The following CNR2 variants were observed in gnomAD, a reference collection of about 807,000 sequenced individuals.
CNR2 encodes the protein cannabinoid receptor 2.
For missense variants in CNR2, 379 were observed against 439.9 expected (o/e 0.86, Z 1.24); for synonymous variants, 172 against 182.2 (o/e 0.94, Z 0.45).
chr1:23,913,228 A>AG lies in CNR2; in HGVS notation c.-46+17_-46+18insC. The AG allele has an allele frequency of 6.2e-6, 1 of 161,696 alleles. No individual in the cohort carries two copies. Among genetic ancestry groups the AG allele is most frequent in the Non-Finnish European group, 1.3e-5 (1 of 74,260 alleles). The allele number at this position is 161,696 out of a possible 1,614,324, so 10.0% of individuals were successfully genotyped here. A position where few individuals can be genotyped will look rare whatever the true frequency, so the allele number is the denominator to read the frequency against. ...ATGAGGAAGAAGCCTAAAATAAACA[A>AG]CAAAAAAAGCTACTCACGGTTGTGT... On this transcript the variant is annotated intron_variant, in intron 1 of 1. Transcript: ENST00000374472.
chr1:23,906,709 T>C (rs1269113851), intron 1 of CNR2, among the ~76,000 whole-genome samples: 2 of 151,852 alleles, frequency 1.3e-5, no homozygotes, highest in Non-Finnish European at 2.9e-5. Flanking sequence ...AGTAATTTTA[T>C]GTTTGCTATA....
At chr1:23,891,647 C>G (rs1442027625) in intron 1 of CNR2, among the ~76,000 whole-genome samples, 1 of 130,372 alleles carries the variant, frequency 7.7e-6, no homozygotes, top group East Asian at 2.4e-4. Flanking sequence ...AAGCCCAAAT[C>G]TTACCTCTTT....
rs994178955 is a variant in CNR2, at chr1:23,910,438, T to C, written c.-46+2808A>G. On this transcript the variant is annotated intron_variant, in intron 1 of 1. Coordinates refer to ENST00000374472, the MANE Select transcript of CNR2 (RefSeq NM_001841.3). Reference sequence around the variant, plus strand: ...AAGAAAAAAACAAGAGCGGATCACCTGAGATCGGGAGCTCGAGACCAGCCT... The same window carrying C: ...AAGAAAAAAACAAGAGCGGATCACCCGAGATCGGGAGCTCGAGACCAGCCT... Among the ~76,000 whole-genome samples, 13 of 151,690 alleles carry C rather than the reference T, an allele frequency of 8.6e-5. 1 individual carries two copies. The highest frequency in any genetic ancestry group is 7.7e-4 in the East Asian group (4 of 5,180).
chr1:23,901,448 C>T, intron 1 of CNR2: 1 of 1,529,234 alleles, frequency 6.5e-7, no homozygotes, highest in Non-Finnish European at 8.8e-7. Context: ...ACTCGCCGAC[C>T]TGCTGCAGCC....
chr1:23,892,154 C>A (rs572566025), intron 1 of CNR2, among the ~76,000 whole-genome samples: 1 of 152,150 alleles, frequency 6.6e-6, no homozygotes, highest in South Asian at 2.1e-4. Context: ...AGCCCTGAAG[C>A]AGAGTGTGAA....
At chr1:23,882,651 C>CAAAAAAAAA (rs34245051) in intron 1 of CNR2, among the ~76,000 whole-genome samples, 7 of 112,662 alleles carry the variant, frequency 6.2e-5, no homozygotes, top group East Asian at 2.5e-4. Flanking sequence ...ACTAAAAATA[C>CAAAAAAAAA]AAAAAAAAAA....
In CNR2 at chr1:23,886,175, C is replaced by T. The variant is rs183962659; in HGVS notation, c.-45-10513G>A. ...CTGCACTCCAGCCTGGGTGACAGGGCGAGACTCTATTTCAAAAAAAAAAAA... is the reference window on the plus strand; with the variant it reads ...CTGCACTCCAGCCTGGGTGACAGGGTGAGACTCTATTTCAAAAAAAAAAAA... On this transcript the variant is annotated intron_variant, in intron 1 of 1. Coordinates refer to ENST00000374472, the MANE Select transcript of CNR2 (RefSeq NM_001841.3). 8.0e-3 allele frequency among the ~76,000 whole-genome samples: 958 copies of T among 119,062 alleles called. 2 individuals are homozygous for T. The highest frequency in any genetic ancestry group is 0.011 in the Non-Finnish European group (635 of 60,146). 78.1% of individuals were successfully genotyped at this position (119,062 alleles called of 152,430 possible).
chr1:23,889,471 C>T (rs1229424762), intron 1 of CNR2, among the ~76,000 whole-genome samples: 4 of 152,052 alleles, frequency 2.6e-5, no homozygotes, highest in Non-Finnish European at 4.4e-5. Flanking sequence ...CTATCTAAGG[C>T]CTTTCTTTTC....
chr1:23,875,429 T>C lies in CNR2; in HGVS notation c.189A>G (p.Gln63=), dbSNP rs2502992. 957,639 of 1,613,440 alleles carry C rather than the reference T, an allele frequency of 0.59. 286,874 individuals carry two copies. The highest frequency in any genetic ancestry group is 0.76 in the African/African-American group (56,895 of 74,854). The part of the protein sequence containing the change: ...AVLYLILSSH[Q]LRRKPSYLFI... ...ACAGGTATGAGGGCTTCCGGCGGAG[T>C]TGGTGGGAGGACAGGATCAGATAGA... The change falls in exon 2 of 2, where the codon CAA becomes CAG. Residue 63 remains glutamine (Q), a synonymous_variant. Transcript: ENST00000374472.
intron 1 of CNR2, among the ~76,000 whole-genome samples, chr1:23,900,503 T>C (rs894220054): frequency 4.1e-5 from 4 of 96,758 alleles, no homozygotes; most frequent in African/African-American, 1.7e-4. Flanking sequence ...TTCCCTGATC[T>C]CTTTTTTTTT....
intron 1 of CNR2, among the ~76,000 whole-genome samples, chr1:23,879,910 A>G (rs887746553): frequency 6.6e-6 from 1 of 152,138 alleles, no homozygotes; most frequent in Non-Finnish European, 1.5e-5. Context: ...ATAGCTCCCT[A>G]GTCCACTATG....
At chr1:23,893,524 G>T (rs1640222805) in intron 1 of CNR2, among the ~76,000 whole-genome samples, 1 of 152,186 alleles carries the variant, frequency 6.6e-6, no homozygotes, top group African/African-American at 2.4e-5. Context: ...GCAGGAGATT[G>T]GTTGCCTGAT....
In CNR2 at chr1:23,903,504, G is replaced by A. The variant is rs6696522; in HGVS notation, c.-46+9742C>T. Among the ~76,000 whole-genome samples, 1,313 of 149,686 alleles carry A rather than the reference G, an allele frequency of 8.8e-3. 14 individuals are homozygous for A. Among genetic ancestry groups the A allele is most frequent in the Middle Eastern group, 0.027 (8 of 292 alleles). ...TGGGAGGACCACTTGAGCCCAGGTG[G>A]TTGAAGCTACAGCTAGCCGTGATGT... On this transcript the variant is annotated intron_variant, in intron 1 of 1. Transcript: ENST00000374472.
intron 1 of CNR2, among the ~76,000 whole-genome samples, chr1:23,897,735 C>T (rs1466968778): frequency 6.6e-6 from 1 of 152,154 alleles, no homozygotes; most frequent in Non-Finnish European, 1.5e-5. Context: ...GCTGGGATTA[C>T]AGGCATGAGC....
intron 1 of CNR2, among the ~76,000 whole-genome samples, chr1:23,897,756 G>C (rs1033627867): frequency 6.6e-6 from 1 of 152,018 alleles, no homozygotes; most frequent in South Asian, 2.1e-4. Context: ...CACCACGCCC[G>C]CCCTGAAGTA....
At chr1:23,883,521 A>G (rs1471122820) in intron 1 of CNR2, among the ~76,000 whole-genome samples, 5 of 152,228 alleles carry the variant, frequency 3.3e-5, no homozygotes, top group Non-Finnish European at 7.3e-5. Flanking sequence ...GCCAACAATG[A>G]TGAATCTTAA....
At chr1:23,909,442 C>T (rs61778219) in intron 1 of CNR2, among the ~76,000 whole-genome samples, 17,237 of 152,102 alleles carry the variant, frequency 0.11, 1,339 homozygotes, top group East Asian at 0.35. Context: ...TGCCCTCTCC[C>T]GAGACTTCAG....
At chr1:23,899,440 C>T (rs1256032579) in intron 1 of CNR2, among the ~76,000 whole-genome samples, 2 of 152,110 alleles carry the variant, frequency 1.3e-5, no homozygotes, top group Non-Finnish European at 2.9e-5. Context: ...AAGACAATAA[C>T]AGCCCTTTCC....
chr1:23,872,446 C>T lies in CNR2; in HGVS notation c.*2089G>A, dbSNP rs1639779950. On this transcript the variant is annotated 3_prime_UTR_variant, in exon 2 of 2. Transcript: ENST00000374472. ...TAAAATGGAGTATATTGAGAATCTA[C>T]GATGAGTTAACTTTGCAGCAATCTG... 1 of 151,892 alleles carries T rather than the reference C, an allele frequency of 6.6e-6. No individual in the cohort carries two copies. The highest frequency in any genetic ancestry group is 1.5e-5 in the Non-Finnish European group (1 of 67,990). 9.4% of individuals were successfully genotyped at this position (151,892 alleles called of 1,614,324 possible).
Sources: allele counts gnomAD v4.1 joint callset (sites outside exome capture counted in the v4.1 genomes callset), GRCh38; gene constraint gnomAD v4.1.1; transcripts MANE v1.5; gene names NCBI Gene and HGNC (gene_info 2026-07-23, HGNC 2026-07-21).